The following PALLD variants were observed in gnomAD, a reference collection of about 807,000 sequenced individuals.
PALLD encodes palladin.
A neutral mutation model predicts 123.5 loss-of-function variants in PALLD; 61 were observed. The ratio of observed to expected loss-of-function variants is 0.49; its 90% CI spans 0.40 to 0.61. The LOEUF (loss-of-function observed/expected upper bound fraction) is 0.61. PALLD is among the 20% of genes least tolerant of loss of function. The probability of loss-of-function intolerance (pLI) is 0.00; values close to 1 mark genes in which losing one functional copy is unlikely to be tolerated. For missense variants in PALLD, 1,273 were observed against 1,377.0 expected (o/e 0.92, Z 1.20); for synonymous variants, 465 against 496.4 (o/e 0.94, Z 0.84).
chr4:168,861,941 C>T (rs1054995238), intron 10 of PALLD, among the ~76,000 whole-genome samples: 3 of 151,852 alleles, frequency 2.0e-5, no homozygotes, highest in African/African-American at 7.3e-5. Flanking sequence ...CAGGCATGAG[C>T]CACCATCCCT....
chr4:168,718,531 CT>C lies in PALLD; in HGVS notation c.1964+6611del, dbSNP rs1410668379. Among the ~76,000 whole-genome samples, 3 of 152,088 alleles carry C rather than the reference CT, an allele frequency of 2.0e-5. No homozygotes were observed. The East Asian group carries it at 5.8e-4, about 29-fold the overall frequency. ...TGTATGTTCAGTTAGCTAGCCATTA[CT>C]TTCATTTCTTTTCAACTTAAATTTG... On this transcript the variant is annotated intron_variant, in intron 10 of 21. Coordinates refer to ENST00000505667, the MANE Select transcript of PALLD (RefSeq NM_001166108.2).
At chr4:168,558,142 C>T (rs1767511544) in intron 2 of PALLD, among the ~76,000 whole-genome samples, 3 of 152,148 alleles carry the variant, frequency 2.0e-5, no homozygotes, top group Admixed American at 2.0e-4. Flanking sequence ...GAGGTCACCT[C>T]TCACCCCTAC....
At chr4:168,745,601 A>G (rs543751611) in intron 10 of PALLD, among the ~76,000 whole-genome samples, 80 of 152,312 alleles carry the variant, frequency 5.3e-4, no homozygotes, top group Non-Finnish European at 9.0e-4. Context: ...TTGCAATCCC[A>G]TTAGAGTTTA....
intron 10 of PALLD, among the ~76,000 whole-genome samples, chr4:168,822,959 T>C (rs1742931256): frequency 6.6e-6 from 1 of 152,178 alleles, no homozygotes; most frequent in Non-Finnish European, 1.5e-5. Flanking sequence ...TTCAGATGAA[T>C]GTCAGATACC....
chr4:168,789,657 T>C (rs936088848), intron 10 of PALLD, among the ~76,000 whole-genome samples: 1 of 148,600 alleles, frequency 6.7e-6, no homozygotes, highest in Non-Finnish European at 1.5e-5. Flanking sequence ...TGAGCCGAGA[T>C]CGTGCCACTG....
At position 168,511,908 on chromosome 4, in the gene PALLD, G is replaced by A. The variant is rs762476596; in HGVS notation, c.404G>A (p.Arg135Gln). 6.8e-6 allele frequency: 11 copies of A among 1,614,174 alleles called. No homozygotes were observed. Among genetic ancestry groups the A allele is most frequent in the East Asian group, 4.5e-5 (2 of 44,884 alleles). ...CTGCTCACCAGGCCCAGCTACATCC[G>A]GAGCCTCCGAAAGGCTGAAAAGCGT... The part of the protein sequence containing the change: ...SPLLTRPSYI[R>Q]SLRKAEKRGA... The change falls in exon 2 of 22, where the codon CGG becomes CAG. Residue 135 changes from arginine to glutamine, a missense_variant. Physicochemically the swap from Arg to Gln is conservative, Grantham distance 43. Transcript: ENST00000505667.
At chr4:168,623,036 C>T (rs1257876087) in intron 2 of PALLD, among the ~76,000 whole-genome samples, 2 of 152,238 alleles carry the variant, frequency 1.3e-5, no homozygotes, top group Non-Finnish European at 2.9e-5. Context: ...AATTGACACT[C>T]TGTCCTTTGA....
At chr4:168,896,146 G>A (rs1308007049) in intron 12 of PALLD, among the ~76,000 whole-genome samples, 3 of 149,578 alleles carry the variant, frequency 2.0e-5, no homozygotes, top group Non-Finnish European at 4.4e-5. Context: ...GGAGACAGAG[G>A]TTACAGTGAG....
intron 14 of PALLD, among the ~76,000 whole-genome samples, chr4:168,901,392 T>C (rs1338874319): frequency 1.3e-5 from 2 of 152,222 alleles, no homozygotes; most frequent in Non-Finnish European, 2.9e-5. Flanking sequence ...CCTCCATTAG[T>C]ACGCTTGGTA....
chr4:168,553,550 C>A (rs1766962601), intron 2 of PALLD, among the ~76,000 whole-genome samples: 1 of 152,176 alleles, frequency 6.6e-6, no homozygotes, highest in African/African-American at 2.4e-5. Context: ...ATAACTCTGT[C>A]TGCCTACAAA....
chr4:168,810,740 G>A (rs1311019673), intron 10 of PALLD, among the ~76,000 whole-genome samples: 6 of 151,740 alleles, frequency 4.0e-5, no homozygotes, highest in African/African-American at 4.8e-5. Context: ...CCCGGGAAGC[G>A]GAGCTTGCAG....
chr4:168,628,960 G>A (rs1270493227), intron 2 of PALLD, among the ~76,000 whole-genome samples: 2 of 150,706 alleles, frequency 1.3e-5, no homozygotes, highest in Non-Finnish European at 2.9e-5. Context: ...ACTATAAAGT[G>A]TATATGTATT....
At chr4:168,898,222 C>T in intron 13 of PALLD, 1 of 481,122 alleles carries the variant, frequency 2.1e-6, no homozygotes, top group Non-Finnish European at 3.8e-6. Flanking sequence ...CCCTTGTTTC[C>T]CCTCGCCTCA....
At chr4:168,883,487 C>G (rs1352093531) in intron 10 of PALLD, among the ~76,000 whole-genome samples, 1 of 152,154 alleles carries the variant, frequency 6.6e-6, no homozygotes, top group African/African-American at 2.4e-5. Context: ...CTGGTTGATT[C>G]TGGTACCTTA....
intron 2 of PALLD, among the ~76,000 whole-genome samples, chr4:168,524,524 C>T (rs952122463): frequency 9.9e-5 from 15 of 152,110 alleles, no homozygotes; most frequent in East Asian, 5.8e-4. Context: ...TTTTTTGATA[C>T]AAGTATGCAG....
At chr4:168,654,164 A>G (rs2149933566) in intron 2 of PALLD, among the ~76,000 whole-genome samples, 1 of 152,336 alleles carries the variant, frequency 6.6e-6, no homozygotes, top group South Asian at 2.1e-4. Flanking sequence ...CAAACAAAGG[A>G]ACGATTATAA....
intron 2 of PALLD, among the ~76,000 whole-genome samples, chr4:168,585,868 A>G (rs1770764739): frequency 6.6e-6 from 1 of 152,186 alleles, no homozygotes; most frequent in African/African-American, 2.4e-5. Flanking sequence ...TTTCCACACA[A>G]TGACATATTA....
chr4:168,798,763 T>C (rs531956831), intron 10 of PALLD, among the ~76,000 whole-genome samples: 198 of 152,352 alleles, frequency 1.3e-3, no homozygotes, highest in African/African-American at 4.5e-3. Flanking sequence ...ATATATGTAT[T>C]TTCTGACTCA....
At position 168,618,833 on chromosome 4, in the gene PALLD, G is replaced by A. The variant is rs541357266; in HGVS notation, c.909-49357G>A. On this transcript the variant is annotated intron_variant, in intron 2 of 21. Transcript: ENST00000505667. Reference sequence around the variant, plus strand: ...TTACTTATTCACAAGCTTCCCTCCCGCTCAGCTCCTCACTGGCGTCACCGA... The same window carrying A: ...TTACTTATTCACAAGCTTCCCTCCCACTCAGCTCCTCACTGGCGTCACCGA... Among the ~76,000 whole-genome samples the A allele has an allele frequency of 9.2e-5, 14 of 152,212 alleles. No individual in the cohort carries two copies. In the South Asian group the frequency reaches 2.1e-3, roughly 23 times the overall value.
Sources: gnomAD v4.1 joint callset for allele counts (sites outside exome capture counted in the v4.1 genomes callset) on GRCh38, gnomAD v4.1.1 for gene constraint, MANE v1.5 for transcripts, NCBI Gene and HGNC (gene_info 2026-07-23, HGNC 2026-07-21) for gene names.